The following TPO variants were observed in gnomAD, a reference collection of about 807,000 sequenced individuals.
The protein encoded by TPO is thyroid peroxidase.
In TPO, 78 loss-of-function variants were observed where a neutral mutation model predicts 96.9. The observed-to-expected ratio is 0.81, with a 90% CI of 0.67 to 0.97. TPO has a LOEUF of 0.97. Among genes scored for constraint, TPO ranks in the 50% least tolerant of loss-of-function variants. The pLI, the probability that TPO is intolerant of heterozygous loss-of-function variation, is 0.00. For missense variants in TPO, 1,252 were observed against 1,274.8 expected, an observed-to-expected ratio of 0.98 and a Z score of 0.27; for synonymous variants, 547 against 538.0, an observed-to-expected ratio of 1.02 and a Z score of -0.23.
At chr2:1,515,268 G>A (rs1245091445) in intron 14 of TPO, among the ~76,000 whole-genome samples, 1 of 152,190 alleles carries the variant, frequency 6.6e-6, no homozygotes, top group Non-Finnish European at 1.5e-5. Flanking sequence ...CAAGAACCCA[G>A]CCTCTTTCTG....
chr2:1,407,513 A>G (rs1416242386), intron 1 of TPO, among the ~76,000 whole-genome samples: 2 of 152,230 alleles, frequency 1.3e-5, no homozygotes, highest in Admixed American at 1.3e-4. Context: ...TTCTTTTTAG[A>G]AATGGCACAT....
chr2:1,467,452 C>T (rs1172482267), intron 7 of TPO, among the ~76,000 whole-genome samples: 1 of 152,138 alleles, frequency 6.6e-6, no homozygotes, highest in Admixed American at 6.6e-5. Context: ...AACCCAGTGT[C>T]ATTCAGGAGC....
At chr2:1,429,737 C>T (rs1410385478) in intron 3 of TPO, among the ~76,000 whole-genome samples, 1 of 152,142 alleles carries the variant, frequency 6.6e-6, no homozygotes, top group African/African-American at 2.4e-5. Flanking sequence ...GTGTCCAAGT[C>T]GTGGGCATCT....
At position 1,484,692 on chromosome 2, in the gene TPO, C is replaced by T. The variant is rs762089348; in HGVS notation, c.1435C>T (p.Pro479Ser). The change falls in exon 9 of 17, where the codon CCC becomes TCC. Residue 479 changes from proline to serine, a missense_variant. Coordinates refer to ENST00000329066, the MANE Select transcript of TPO (RefSeq NM_001206744.2). ...PYEGYDSTANPTVSNVFSTAA... is the reference protein window; with the variant it reads ...PYEGYDSTANSTVSNVFSTAA... ...TGAAGGCTATGACTCCACCGCCAACCCCACTGTGTCCAACGTGTTCTCCAC... is the reference window on the plus strand; with the variant it reads ...TGAAGGCTATGACTCCACCGCCAACTCCACTGTGTCCAACGTGTTCTCCAC... 1.9e-6 allele frequency: 3 copies of T among 1,614,160 alleles called. No individual in the cohort carries two copies. Among genetic ancestry groups the T allele is most frequent in the Non-Finnish European group, 2.5e-6 (3 of 1,180,040 alleles).
At chr2:1,541,397 G>A (rs28915681) in intron 16 of TPO, 47 of 180,472 alleles carry the variant, frequency 2.6e-4, no homozygotes, top group Admixed American at 6.7e-4. Flanking sequence ...TTGCTCTGTC[G>A]CCCAGACTGG....
intron 15 of TPO, among the ~76,000 whole-genome samples, chr2:1,519,586 T>C (rs1675046157): frequency 1.3e-5 from 2 of 152,222 alleles, no homozygotes; most frequent in Admixed American, 1.3e-4. Flanking sequence ...ATGAATCATT[T>C]GGTCTTTAAA....
At position 1,436,315 on chromosome 2, in the gene TPO, T is replaced by C; in HGVS notation, c.413T>C (p.Leu138Pro). The C allele has an allele frequency of 1.2e-6, 2 of 1,614,218 alleles. No individual in the cohort carries two copies. Among genetic ancestry groups the C allele is most frequent in the South Asian group, 2.2e-5 (2 of 91,084 alleles). Residue 138 changes from leucine to proline, a missense_variant, in exon 5 of 17, where the codon CTG (leucine) becomes CCG (proline). Leu to Pro is a moderately conservative substitution (Grantham distance 98). Transcript: ENST00000329066. ...ATGTCTGGATGTCTCCCTTACATGC[T>C]GCCCCCAAAATGCCCAAACACTTGC... ...ANMSGCLPYM[L>P]PPKCPNTCLA...
chr2:1,395,832 T>C (rs1267809609), intron 1 of TPO, among the ~76,000 whole-genome samples: 1 of 152,198 alleles, frequency 6.6e-6, no homozygotes, highest in African/African-American at 2.4e-5. Context: ...GCAGTTCCCC[T>C]GCACACATTC....
intron 9 of TPO, among the ~76,000 whole-genome samples, chr2:1,486,196 G>A (rs1387376725): frequency 1.3e-5 from 2 of 152,116 alleles, no homozygotes; most frequent in African/African-American, 4.8e-5. Context: ...TAATATCTGT[G>A]GGGAAAATAA....
intron 8 of TPO, chr2:1,478,408 G>A: frequency 3.0e-6 from 3 of 984,612 alleles, no homozygotes; most frequent in Non-Finnish European, 3.6e-6. Context: ...CTGCAGGGAG[G>A]TGCGCGTCAG....
intron 15 of TPO, among the ~76,000 whole-genome samples, chr2:1,538,760 G>A (rs1680372055): frequency 6.6e-6 from 1 of 152,210 alleles, no homozygotes; most frequent in African/African-American, 2.4e-5. Flanking sequence ...CACACGTTTG[G>A]TGGCTTAAAG....
intron 15 of TPO, among the ~76,000 whole-genome samples, chr2:1,528,313 C>A (rs202168288): frequency 7.4e-6 from 1 of 134,230 alleles, no homozygotes; most frequent in Non-Finnish European, 1.5e-5. Flanking sequence ...CCACTGTGTG[C>A]AACCTCCACA....
At chr2:1,537,401 T>A (rs1320329331) in intron 15 of TPO, among the ~76,000 whole-genome samples, 1 of 130,010 alleles carries the variant, frequency 7.7e-6, no homozygotes, top group African/African-American at 3.0e-5. Flanking sequence ...ATCCCCCCAC[T>A]GTGAGCAACC....
intron 5 of TPO, among the ~76,000 whole-genome samples, chr2:1,446,200 A>C (rs992044243): frequency 1.3e-5 from 2 of 152,134 alleles, no homozygotes; most frequent in Admixed American, 6.6e-5. Context: ...ATCTACCCAG[A>C]GGTGACCATT....
chr2:1,531,212 A>AAATCCCCACACTGTCTGCAACCT (rs1678125709), intron 15 of TPO, among the ~76,000 whole-genome samples: 1 of 42,116 alleles, frequency 2.4e-5, no homozygotes, highest in Admixed American at 2.9e-4. Flanking sequence ...GTCTGCAACC[A>AAATCCCCACACTGTCTGCAACCT]CCCCAAATCG....
intron 15 of TPO, among the ~76,000 whole-genome samples, chr2:1,531,122 CAACCTCCCCAAAACCCCCCACTGTG>C (rs1678077005): frequency 3.5e-5 from 3 of 85,888 alleles, no homozygotes; most frequent in Non-Finnish European, 4.4e-5. Context: ...CCACTGTGTG[CAACCTCCCCAAAACCCCCCACTGTG>C]TGCAACCTCC....
At chr2:1,494,417 CA>C (rs1286067130) in intron 11 of TPO, among the ~76,000 whole-genome samples, 1 of 152,252 alleles carries the variant, frequency 6.6e-6, no homozygotes, top group Admixed American at 6.5e-5. Flanking sequence ...GACTCAGGCG[CA>C]GACACAGGCC....
intron 7 of TPO, among the ~76,000 whole-genome samples, chr2:1,462,932 G>T (rs1668580696): frequency 6.6e-6 from 1 of 152,160 alleles, no homozygotes; most frequent in Non-Finnish European, 1.5e-5. Flanking sequence ...TATGGAAATG[G>T]TAAAATGTTG....
chr2:1,445,747 A>G (rs1666739356), intron 5 of TPO, among the ~76,000 whole-genome samples: 1 of 106,750 alleles, frequency 9.4e-6, no homozygotes, highest in African/African-American at 3.4e-5. Flanking sequence ...AGGAGGTACC[A>G]TGTTGGAAGG....
Sources: gnomAD v4.1 joint callset for allele counts (sites outside exome capture counted in the v4.1 genomes callset) on GRCh38, gnomAD v4.1.1 for gene constraint, MANE v1.5 for transcripts, NCBI Gene and HGNC (gene_info 2026-07-23, HGNC 2026-07-21) for gene names.